Variants in CDK19 observed in about 807,000 individuals in gnomAD.
CDK19 encodes cyclin dependent kinase 19.
A neutral mutation model predicts 68.3 loss-of-function variants in CDK19; 20 were observed. The ratio of observed to expected loss-of-function variants is 0.29; its 90% CI spans 0.21 to 0.43. CDK19 has a LOEUF of 0.43. Ranked by LOEUF, CDK19 falls within the 20% of genes least tolerant of loss-of-function variation. CDK19 has a pLI of 1.00. For synonymous variants in CDK19, 221 were observed against 222.8 expected (o/e 0.99, Z 0.07); for missense variants, 339 against 623.5 (o/e 0.54, Z 4.86).
chr6:110,711,028 A>C (rs549529413), intron 2 of CDK19, among the ~76,000 whole-genome samples: 1 of 152,322 alleles, frequency 6.6e-6, no homozygotes, highest in South Asian at 2.1e-4. Context: ...ACATCCATTA[A>C]AAACTATAAA....
chr6:110,678,050 G>T (rs1378138109), intron 2 of CDK19, among the ~76,000 whole-genome samples: 3 of 151,978 alleles, frequency 2.0e-5, no homozygotes, highest in Non-Finnish European at 4.4e-5. Context: ...GTATCACTTT[G>T]TTGTCCAGGC....
intron 1 of CDK19, 50 bp downstream of exon 1, chr6:110,814,959 G>C (rs1472977406): frequency 5.6e-6 from 9 of 1,594,486 alleles, no homozygotes; most frequent in South Asian, 5.6e-5. Flanking sequence ...GCCAGGTCGC[G>C]GGCAGGGCGA....
At chr6:110,802,967 T>A (rs372693069) in intron 1 of CDK19, among the ~76,000 whole-genome samples, 7 of 152,304 alleles carry the variant, frequency 4.6e-5, no homozygotes, top group African/African-American at 1.7e-4. Flanking sequence ...AAAGTTATAA[T>A]GGTAAGCAAC....
rs143660186 is a variant in CDK19, at chr6:110,654,115, G to T, written c.456+13319C>A. Among the ~76,000 whole-genome samples the T allele has an allele frequency of 2.1e-3, 318 of 152,242 alleles. 2 individuals are homozygous for T. The highest frequency in any genetic ancestry group is 7.4e-3 in the African/African-American group (307 of 41,540). ...GAACAGTGCCGGCTTGATATTAATG[G>T]CTACAACTATACTTTTATTTAAATA... On this transcript the variant is annotated intron_variant, in intron 4 of 12. Transcript: ENST00000368911.
At chr6:110,774,506 A>T (rs984258776) in intron 1 of CDK19, among the ~76,000 whole-genome samples, 1 of 152,176 alleles carries the variant, frequency 6.6e-6, no homozygotes, top group Non-Finnish European at 1.5e-5. Context: ...ACAGCACAAG[A>T]TTTCATCACA....
At chr6:110,790,890 G>A (rs1383017721) in intron 1 of CDK19, among the ~76,000 whole-genome samples, 1 of 152,102 alleles carries the variant, frequency 6.6e-6, no homozygotes, top group Non-Finnish European at 1.5e-5. Context: ...GTAGAACAAG[G>A]GCCGGGTGCG....
intron 1 of CDK19, among the ~76,000 whole-genome samples, chr6:110,801,989 T>C (rs1487390362): frequency 1.3e-5 from 2 of 152,118 alleles, no homozygotes; most frequent in Non-Finnish European, 2.9e-5. Flanking sequence ...TGAGATACCA[T>C]CTTACACCAG....
At chr6:110,734,427 T>C (rs1777026153) in intron 2 of CDK19, among the ~76,000 whole-genome samples, 1 of 152,068 alleles carries the variant, frequency 6.6e-6, no homozygotes, top group African/African-American at 2.4e-5. Context: ...AATTTACACA[T>C]TGCTGTTTTA....
At chr6:110,772,920 A>C (rs1780131900) in intron 1 of CDK19, among the ~76,000 whole-genome samples, 1 of 151,440 alleles carries the variant, frequency 6.6e-6, no homozygotes, top group Non-Finnish European at 1.5e-5. Context: ...GAGACTCATT[A>C]AGAAGGTCTC....
chr6:110,803,027 T>C (rs1252951654), intron 1 of CDK19, among the ~76,000 whole-genome samples: 1 of 151,992 alleles, frequency 6.6e-6, no homozygotes, highest in Non-Finnish European at 1.5e-5. Context: ...TGGTTACCTC[T>C]GAGATGTGAC....
At chr6:110,704,205 C>A (rs1774247242) in intron 2 of CDK19, among the ~76,000 whole-genome samples, 1 of 152,152 alleles carries the variant, frequency 6.6e-6, no homozygotes. Context: ...GAACATAGTT[C>A]AGTCAATAAT....
rs61247667 is a variant in CDK19, at chr6:110,797,009, CAAA to C, written c.128+17997_128+17999del. On this transcript the variant is annotated intron_variant, in intron 1 of 12. Coordinates refer to ENST00000368911, the MANE Select transcript of CDK19 (RefSeq NM_015076.5). The stretch of plus-strand genomic sequence containing the variant: ...GAGGCAACAGAGCAAAACTCCATCT[CAAA>C]AAAAAAAAAAAAAATACACATAAAT... Among the ~76,000 whole-genome samples, 97 of 111,876 alleles carry C rather than the reference CAAA, an allele frequency of 8.7e-4. No homozygotes were observed. In the South Asian group the frequency reaches 0.014, roughly 16 times the overall value. The allele number at this position is 111,876 out of a possible 152,430, so 73.4% of individuals were successfully genotyped here.
Position 110,815,388 on chromosome 6 carries a change from T to G in CDK19, c.-252A>C. The G allele has an allele frequency of 2.0e-5, 7 of 344,300 alleles. No individual in the cohort carries two copies. The highest frequency in any genetic ancestry group is 1.0e-4 in the East Asian group (2 of 19,658). The allele number at this position is 344,300 out of a possible 1,614,324, so 21.3% of individuals were successfully genotyped here. On this transcript the variant is annotated 5_prime_UTR_variant, in exon 1 of 13. Coordinates refer to ENST00000368911, the MANE Select transcript of CDK19 (RefSeq NM_015076.5). ...CGGCGGCTCCCGCAGGCACCCCCAG[T>G]CCCGCCTCCCTCCTTCATTTCCTTG...
chr6:110,747,328 C>T (rs1476605075), intron 1 of CDK19, among the ~76,000 whole-genome samples: 1 of 152,138 alleles, frequency 6.6e-6, no homozygotes. Flanking sequence ...TGGTTACTTT[C>T]CCTCACAATG....
intron 4 of CDK19, among the ~76,000 whole-genome samples, chr6:110,642,290 CAG>C (rs1780247644): frequency 8.0e-6 from 1 of 125,632 alleles, no homozygotes; most frequent in Non-Finnish European, 1.6e-5. Flanking sequence ...GCCTAGGCGA[CAG>C]AGTGAGACTC....
chr6:110,646,670 T>C (rs575374193), intron 4 of CDK19: 6 of 484,294 alleles, frequency 1.2e-5, no homozygotes, highest in Non-Finnish European at 2.1e-5. Context: ...GGCTTTGCTA[T>C]ATGTCTCTCT....
chr6:110,690,624 C>A (rs1772904823), intron 2 of CDK19, among the ~76,000 whole-genome samples: 1 of 152,176 alleles, frequency 6.6e-6, no homozygotes, highest in Admixed American at 6.5e-5. Flanking sequence ...TAAGTCCACA[C>A]CACAAAGGAA....
chr6:110,745,454 A>T (rs1778010942), intron 2 of CDK19, among the ~76,000 whole-genome samples: 1 of 152,126 alleles, frequency 6.6e-6, no homozygotes, highest in South Asian at 2.1e-4. Context: ...ATATTTCAGA[A>T]ATAGTATTTA....
At chr6:110,635,339 C>T (rs1428413904) in intron 5 of CDK19, among the ~76,000 whole-genome samples, 2 of 152,116 alleles carry the variant, frequency 1.3e-5, no homozygotes, top group African/African-American at 4.8e-5. Flanking sequence ...GTATAATAAA[C>T]ATTTGTAAAA....
Sources: gnomAD v4.1 joint callset for allele counts (sites outside exome capture counted in the v4.1 genomes callset) on GRCh38, gnomAD v4.1.1 for gene constraint, MANE v1.5 for transcripts, NCBI Gene and HGNC (gene_info 2026-07-23, HGNC 2026-07-21) for gene names.